Variants in CES5A observed in about 807,000 individuals in gnomAD.
CES5A encodes carboxylesterase 5A.
CES5A carries 67 observed loss-of-function variants against 62.9 expected under a neutral mutation model. The observed-to-expected ratio is 1.07, with a 90% CI of 0.88 to 1.31. CES5A has a LOEUF of 1.31. CES5A is among the 50% of genes most tolerant of loss of function. The probability of loss-of-function intolerance (pLI) is 0.00; values close to 1 mark genes in which losing one functional copy is unlikely to be tolerated. For missense variants in CES5A, 748 were observed against 708.5 expected (o/e 1.06, Z -0.63); for synonymous variants, 296 against 280.8 (o/e 1.05, Z -0.54).
At chr16:55,942,926 C>T (rs1309678379) in intron 2 of CES5A, among the ~76,000 whole-genome samples, 3 of 152,082 alleles carry the variant, frequency 2.0e-5, no homozygotes, top group Non-Finnish European at 2.9e-5. Context: ...ACATACTGGG[C>T]GATTTTGTCT....
chr16:55,900,815 T>C (rs1012660946), intron 1 of CES5A, among the ~76,000 whole-genome samples: 7 of 152,222 alleles, frequency 4.6e-5, no homozygotes, highest in African/African-American at 1.7e-4. Flanking sequence ...CCTTTTAGTA[T>C]CAGGACACTT....
At chr16:55,856,908 A>T (rs1406421615) in intron 8 of CES5A, among the ~76,000 whole-genome samples, 2 of 152,184 alleles carry the variant, frequency 1.3e-5, no homozygotes, top group Non-Finnish European at 2.9e-5. Context: ...CAGCACCTTG[A>T]CCTCGGACTT....
intron 1 of CES5A, among the ~76,000 whole-genome samples, chr16:55,916,431 G>A (rs2142454906): frequency 6.6e-6 from 1 of 152,218 alleles, no homozygotes; most frequent in East Asian, 1.9e-4. Flanking sequence ...CCCAAAGTTA[G>A]CTTGGACTAA....
rs1465061861 is a variant in CES5A at position 55,874,014 on chromosome 16, T to A, written c.97A>T (p.Arg33Trp). The A allele has an allele frequency of 1.9e-6, 3 of 1,607,482 alleles. No individual in the cohort carries two copies. The African/African-American group carries it at 4.0e-5, about 21-fold the overall frequency. The change falls in exon 2 of 13, where the codon AGG becomes TGG. Residue 33 changes from arginine to tryptophan, a missense_variant. Transcript: ENST00000290567. Reference sequence around the variant, plus strand: ...TGAATCCATCCCAGCCTGGTGTTCCTCTGTGGCCCTTCAGCAGAAGGCCCT... The same window carrying A: ...TGAATCCATCCCAGCCTGGTGTTCCACTGTGGCCCTTCAGCAGAAGGCCCT... ...TKGPSAEGPQ[R>W]NTRLGWIQGK...
chr16:55,918,110 T>C (rs1412146879), intron 1 of CES5A, among the ~76,000 whole-genome samples: 1 of 152,210 alleles, frequency 6.6e-6, no homozygotes, highest in Non-Finnish European at 1.5e-5. Flanking sequence ...CAGAGGTACC[T>C]GGAGTATCTC....
chr16:55,852,394 A>G (rs2033150673), intron 10 of CES5A, among the ~76,000 whole-genome samples: 2 of 152,200 alleles, frequency 1.3e-5, no homozygotes, highest in Admixed American at 1.3e-4. Flanking sequence ...GTGATCTAAC[A>G]TATGGTTTAT....
In CES5A at chr16:55,897,307, G is replaced by A. The variant is rs114166012; in HGVS notation, c.-255-23270C>T. Among the ~76,000 whole-genome samples the A allele has an allele frequency of 5.8e-3, 888 of 152,212 alleles. 11 individuals carry two copies. The highest frequency in any genetic ancestry group is 0.016 in the African/African-American group (683 of 41,522). ...AGCCAGCAGGAAGCCAGGGGCAGGG[G>A]GAGTGATCTATTCATTAGTCTCACC... On this transcript the variant is annotated intron_variant, in intron 1 of 12. Transcript: ENST00000518005.
chr16:55,861,693 C>G (rs1304454336), intron 6 of CES5A, among the ~76,000 whole-genome samples, 177 bp from the exon 7 acceptor site: 1 of 152,196 alleles, frequency 6.6e-6, no homozygotes, highest in Non-Finnish European at 1.5e-5. Context: ...GACAGTTTCC[C>G]ACTGCATCAC....
intron 1 of CES5A, among the ~76,000 whole-genome samples, chr16:55,896,998 C>G (rs1216968177): frequency 6.6e-6 from 1 of 152,164 alleles, no homozygotes; most frequent in East Asian, 1.9e-4. Context: ...GATTTTCTGT[C>G]ATTTGGGAAC....
rs372366707 is a variant in CES5A, at chr16:55,863,465, C to T, written c.706-13G>A. On this transcript the variant is annotated splice_polypyrimidine_tract_variant and intron_variant, in intron 5 of 12. Transcript: ENST00000290567. ...TGGGAGACAGTATCTGGAGAGAGAA[C>T]ACAGAAGACCCAGGAAAGGTTACTC... The T allele has an allele frequency of 4.4e-6, 6 of 1,355,290 alleles. No individual in the cohort carries two copies. The highest frequency in any genetic ancestry group is 2.9e-5 in the African/African-American group (2 of 69,822). 84.0% of individuals were successfully genotyped at this position (1,355,290 alleles called of 1,614,324 possible).
chr16:55,908,652 G>T (rs1335376652), intron 1 of CES5A, among the ~76,000 whole-genome samples: 1 of 152,146 alleles, frequency 6.6e-6, no homozygotes, highest in African/African-American at 2.4e-5. Context: ...GAACCACCAC[G>T]CCTGGCCCCC....
intron 2 of CES5A, among the ~76,000 whole-genome samples, chr16:55,944,847 A>G (rs2034477940): frequency 1.3e-5 from 2 of 152,148 alleles, no homozygotes; most frequent in South Asian, 2.1e-4. Context: ...CTCATTCATC[A>G]GGCACTTAAT....
intron 1 of CES5A, among the ~76,000 whole-genome samples, chr16:55,881,850 G>A (rs1353135406): frequency 1.3e-5 from 2 of 152,108 alleles, no homozygotes; most frequent in African/African-American, 4.8e-5. Context: ...GAATGAGTCT[G>A]GAATAGCAGA....
chr16:55,861,133 TGGTCCTTCTCTCCAGTGA>T (rs1392771652), intron 7 of CES5A, among the ~76,000 whole-genome samples: 7 of 152,228 alleles, frequency 4.6e-5, no homozygotes, highest in Admixed American at 6.5e-5. Context: ...ATAACAAGTG[TGGTCCTTCTCTCCAGTGA>T]GATGCTTTCA....
At chr16:55,940,281 G>A (rs1214716271) in intron 2 of CES5A, among the ~76,000 whole-genome samples, 3 of 152,114 alleles carry the variant, frequency 2.0e-5, no homozygotes, top group Middle Eastern at 3.4e-3. Flanking sequence ...AAATCAAAAT[G>A]TGTCTAGCAA....
At chr16:55,872,547 G>A (rs1372024181) in intron 2 of CES5A, among the ~76,000 whole-genome samples, 2 of 152,204 alleles carry the variant, frequency 1.3e-5, no homozygotes, top group African/African-American at 2.4e-5. Flanking sequence ...CCAGCACAGA[G>A]CATGATACAC....
chr16:55,888,958 A>G (rs1342981811), intron 1 of CES5A, among the ~76,000 whole-genome samples: 1 of 152,146 alleles, frequency 6.6e-6, no homozygotes, highest in Non-Finnish European at 1.5e-5. Flanking sequence ...AGAACCTGAG[A>G]GAAGCACTTT....
intron 1 of CES5A, among the ~76,000 whole-genome samples, chr16:55,889,154 T>C (rs1483083678): frequency 2.6e-5 from 4 of 151,896 alleles, no homozygotes; most frequent in African/African-American, 9.7e-5. Context: ...AAAAAAGGTA[T>C]TTTTTCCTCT....
In CES5A at chr16:55,915,291, A is replaced by G. The variant is rs902801297; in HGVS notation, c.-256+10032T>C. Among the ~76,000 whole-genome samples, 4 of 152,228 alleles carry G rather than the reference A, an allele frequency of 2.6e-5. No homozygotes were observed. The East Asian group carries it at 5.8e-4, about 22-fold the overall frequency. ...CCAAGGCCCTAATTGGATGCCAGGC[A>G]CACCCGCTGAATGACATGCATAATT... On this transcript the variant is annotated intron_variant, in intron 1 of 12. Transcript: ENST00000518005.
Sources: gnomAD v4.1 joint callset for allele counts (sites outside exome capture counted in the v4.1 genomes callset) on GRCh38, gnomAD v4.1.1 for gene constraint, MANE v1.5 for transcripts, NCBI Gene and HGNC (gene_info 2026-07-23, HGNC 2026-07-21) for gene names.